HSD17B12: variants seen among roughly 807,000 people sequenced by gnomAD.
The protein encoded by HSD17B12 is very-long-chain 3-oxoacyl-CoA reductase.
In HSD17B12, 32 loss-of-function variants were observed where a neutral mutation model predicts 39.3. The ratio of observed to expected loss-of-function variants is 0.81; its 90% CI spans 0.61 to 1.09. The LOEUF is 1.09. HSD17B12 is among the 50% of genes least tolerant of loss of function. HSD17B12 has a pLI of 0.00. For synonymous variants in HSD17B12, 150 were observed against 146.7 expected (o/e 1.02, Z -0.16); for missense variants, 342 against 382.9 (o/e 0.89, Z 0.89).
the HSD17B12 span, among the ~76,000 whole-genome samples, chr11:43,564,957 T>C: frequency 2.0e-5 from 3 of 151,002 alleles, no homozygotes; most frequent in Admixed American, 2.0e-4. Context: ...TGGAGTACAG[T>C]GGCACTGTGT....
chr11:43,581,273 G>C, the HSD17B12 span: 2 of 458,380 alleles, frequency 4.4e-6, no homozygotes, highest in Non-Finnish European at 8.9e-6. The surrounding 1 kb of genome is among the most constrained non-coding windows in gnomAD (Gnocchi z 4.9). Context: ...GGCGGGCAGC[G>C]CGCGGAGTGG....
At chr11:43,620,132 T>G in the HSD17B12 span, among the ~76,000 whole-genome samples, 1 of 152,246 alleles carries the variant, frequency 6.6e-6, no homozygotes, top group Non-Finnish European at 1.5e-5. Flanking sequence ...TGGCCTTTGC[T>G]GCATCAAGAG....
chr11:43,641,754 G>T, the HSD17B12 span, among the ~76,000 whole-genome samples: 5 of 151,890 alleles, frequency 3.3e-5, no homozygotes, highest in Admixed American at 2.6e-4. Context: ...TCTATTTTTG[G>T]CAATAATTCT....
intron 1 of HSD17B12, among the ~76,000 whole-genome samples, chr11:43,684,806 C>A (rs2134764526): frequency 6.6e-6 from 1 of 152,302 alleles, no homozygotes; most frequent in African/African-American, 2.4e-5. Flanking sequence ...AATTTCAGAA[C>A]ATTTTCATCT....
the HSD17B12 span, among the ~76,000 whole-genome samples, chr11:43,587,576 G>A: frequency 3.9e-5 from 6 of 152,170 alleles, no homozygotes; most frequent in Non-Finnish European, 8.8e-5. Flanking sequence ...AGTTAATACT[G>A]CAAGTGGCTA....
intron 1 of HSD17B12, chr11:43,718,835 C>T: frequency 1.1e-6 from 1 of 871,562 alleles, no homozygotes. Flanking sequence ...GACACCACGA[C>T]TCCGGAAGCA....
chr11:43,720,816 T>C (rs565193323), intron 1 of HSD17B12, among the ~76,000 whole-genome samples: 10 of 152,016 alleles, frequency 6.6e-5, no homozygotes, highest in Admixed American at 5.9e-4. Context: ...GGCTCACAGA[T>C]ATGGTATATT....
At chr11:43,734,373 A>G in intron 1 of HSD17B12, 1 of 886,354 alleles carries the variant, frequency 1.1e-6, no homozygotes, top group Non-Finnish European at 1.9e-6. Flanking sequence ...CAGAGGAAAA[A>G]GGCGGCCATC....
At chr11:43,791,806 G>A (rs555888412) in intron 3 of HSD17B12, among the ~76,000 whole-genome samples, 1 of 152,234 alleles carries the variant, frequency 6.6e-6, no homozygotes, top group East Asian at 1.9e-4. Flanking sequence ...GCAAGTGGTT[G>A]TTCTAGTTAA....
In HSD17B12 at chr11:43,831,714, G is replaced by C. The variant is rs760292638; in HGVS notation, c.536+704G>C. On this transcript the variant is annotated intron_variant, in intron 7 of 10. Transcript: ENST00000278353. The surrounding 1 kb of genome is among the most constrained non-coding windows in gnomAD (Gnocchi z 4.1). Reference sequence around the variant, plus strand: ...TTGGGCTTGCATCCTGAGCTAGCTCGATCATTTGCTGAATTTAGGGCATCG... The same window carrying C: ...TTGGGCTTGCATCCTGAGCTAGCTCCATCATTTGCTGAATTTAGGGCATCG... 6.6e-6 allele frequency: 1 copy of C among 152,188 alleles called. No homozygotes were observed. The highest frequency in any genetic ancestry group is 1.9e-4 in the East Asian group (1 of 5,192). The allele number at this position is 152,188 out of a possible 1,614,324, so 9.4% of individuals were successfully genotyped here.
chr11:43,622,008 T>C, the HSD17B12 span, among the ~76,000 whole-genome samples: 1 of 152,234 alleles, frequency 6.6e-6, no homozygotes, highest in African/African-American at 2.4e-5. Flanking sequence ...GCTGAGTTGT[T>C]ACTAAACTGC....
At chr11:43,780,785 C>T (rs1950757560) in intron 3 of HSD17B12, among the ~76,000 whole-genome samples, 1 of 152,118 alleles carries the variant, frequency 6.6e-6, no homozygotes, top group South Asian at 2.1e-4. Context: ...TTGGCTGTTG[C>T]CTGTGGTACA....
chr11:43,628,455 A>G, the HSD17B12 span, among the ~76,000 whole-genome samples: 4 of 151,892 alleles, frequency 2.6e-5, no homozygotes, highest in Non-Finnish European at 5.9e-5. Flanking sequence ...TCACCCCCCA[A>G]TTTTTCAGGT....
At chr11:43,801,601 T>G (rs1240821742) in intron 4 of HSD17B12, among the ~76,000 whole-genome samples, 4 of 9,916 alleles carry the variant, frequency 4.0e-4, no homozygotes, top group Non-Finnish European at 8.0e-4. Flanking sequence ...TGGAGATATA[T>G]ATATATATAT....
chr11:43,629,953 TGA>T, the HSD17B12 span, among the ~76,000 whole-genome samples: 2 of 152,246 alleles, frequency 1.3e-5, no homozygotes, highest in Non-Finnish European at 2.9e-5. Flanking sequence ...GTGCAAATGT[TGA>T]TACTGAATCA....
chr11:43,587,853 G>A, the HSD17B12 span, among the ~76,000 whole-genome samples: 3 of 152,182 alleles, frequency 2.0e-5, no homozygotes, highest in Admixed American at 6.5e-5. Flanking sequence ...TGACTACCAG[G>A]CACAATCATA....
At chr11:43,580,791 AT>A in the HSD17B12 span, among the ~76,000 whole-genome samples, 3 of 151,454 alleles carry the variant, frequency 2.0e-5, no homozygotes, top group East Asian at 3.9e-4. Flanking sequence ...AAATGGAAAT[AT>A]TTTTTTCTCC....
At chr11:43,576,357 T>C in the HSD17B12 span, among the ~76,000 whole-genome samples, 1 of 152,282 alleles carries the variant, frequency 6.6e-6, no homozygotes, top group Non-Finnish European at 1.5e-5. Context: ...AATGCCTTTG[T>C]GTGTGGAGGT....
At chr11:43,721,387 G>C (rs1376762918) in intron 1 of HSD17B12, among the ~76,000 whole-genome samples, 1 of 152,074 alleles carries the variant, frequency 6.6e-6, no homozygotes, top group African/African-American at 2.4e-5. Flanking sequence ...TGGAGGCTGA[G>C]GTGGGCAGAT....
Sources: gnomAD v4.1 joint callset for allele counts (sites outside exome capture counted in the v4.1 genomes callset) on GRCh38, gnomAD v4.1.1 for gene constraint, Gnocchi (gnomAD v3.1) non-coding constraint, MANE v1.5 for transcripts, NCBI Gene and HGNC (gene_info 2026-07-23, HGNC 2026-07-21) for gene names.